Variants in ZNF592 observed in about 807,000 individuals in gnomAD.
The protein encoded by ZNF592 is zinc finger protein 592.
Under a neutral mutation model 80.3 loss-of-function variants are expected in ZNF592, and 11 were observed. The observed-to-expected ratio is 0.14, with a 90% CI of 0.09 to 0.23. The LOEUF is 0.23. ZNF592 is among the 10% of genes least tolerant of loss of function. The pLI, the probability that ZNF592 is intolerant of heterozygous loss-of-function variation, is 1.00. For synonymous variants in ZNF592, 646 were observed against 640.3 expected (o/e 1.01, Z -0.13); for missense variants, 1,420 against 1,633.9 (o/e 0.87, Z 2.26).
chr15:84,765,535 GTTTTTT>G (rs71453265), intron 2 of ZNF592, among the ~76,000 whole-genome samples: 1 of 92,280 alleles, frequency 1.1e-5, no homozygotes, highest in East Asian at 3.4e-4. Flanking sequence ...TGTTATTATT[GTTTTTT>G]TTTTTTTTTT....
chr15:84,799,479 G>A lies in ZNF592; in HGVS notation c.3137+269G>A, dbSNP rs1456311897. 6.6e-6 allele frequency among the ~76,000 whole-genome samples: 1 copy of A among 152,158 alleles called. No homozygotes were observed. The highest frequency in any genetic ancestry group is 2.4e-5 in the African/African-American group (1 of 41,408). On this transcript the variant is annotated intron_variant, in intron 9 of 10. Coordinates refer to ENST00000560079, the MANE Select transcript of ZNF592 (RefSeq NM_014630.3). This position sits in a 1 kb window ranked among gnomAD's most constrained non-coding sequence, Gnocchi z 4.2. ...CGAAGCATCCTGAGGTTTAAGAGGA[G>A]GGGTGGTGATGTGAGCATGCACCCC...
chr15:84,803,530 G>A lies in ZNF592; in HGVS notation c.*1137G>A, dbSNP rs1363309136. 6.6e-6 allele frequency: 1 copy of A among 152,190 alleles called. No homozygotes were observed. The allele number at this position is 152,190 out of a possible 1,614,324, so 9.4% of individuals were successfully genotyped here. A position where few individuals can be genotyped will look rare whatever the true frequency, so the allele number is the denominator to read the frequency against. Reference sequence around the variant, plus strand: ...GGGTGAGGGGAGCGGCTCCACAATGGTCAAGTCACCTCCAAGATCTCCAGG... The same window carrying A: ...GGGTGAGGGGAGCGGCTCCACAATGATCAAGTCACCTCCAAGATCTCCAGG... On this transcript the variant is annotated 3_prime_UTR_variant, in exon 11 of 11. Coordinates refer to ENST00000560079, the MANE Select transcript of ZNF592 (RefSeq NM_014630.3).
intron 1 of ZNF592, among the ~76,000 whole-genome samples, chr15:84,752,697 C>T (rs779717067): frequency 6.6e-6 from 1 of 152,112 alleles, no homozygotes; most frequent in African/African-American, 2.4e-5. Context: ...CCATGATAGA[C>T]GTTGCAGTTA....
intron 2 of ZNF592, among the ~76,000 whole-genome samples, chr15:84,766,706 A>AGTGTGTGT (rs10667788): frequency 0.23 from 32,066 of 139,866 alleles, 3,912 homozygotes; most frequent in South Asian, 0.3. Flanking sequence ...GATGAGAAAG[A>AGTGTGTGT]GTGTGTGTGT....
intron 3 of ZNF592, among the ~76,000 whole-genome samples, chr15:84,782,288 G>A (rs1167094899): frequency 2.6e-5 from 4 of 152,196 alleles, no homozygotes; most frequent in Admixed American, 2.6e-4. Flanking sequence ...GGCTGGAAGT[G>A]CTAAGTGGCT....
chr15:84,798,862 A>G lies in ZNF592; in HGVS notation c.3011A>G (p.Lys1004Arg). 1.3e-6 allele frequency: 2 copies of G among 1,598,538 alleles called. No homozygotes were observed. Among genetic ancestry groups the G allele is most frequent in the East Asian group, 2.2e-5 (1 of 44,858 alleles). Residue 1004 changes from lysine (K) to arginine (R), a missense_variant, in exon 8 of 11, where the codon AAG (lysine) becomes AGG (arginine). This residue lies in a region of ZNF592 where 331 missense variants were observed against 347.0 expected (regional missense o/e 0.95). Coordinates refer to ENST00000560079, the MANE Select transcript of ZNF592 (RefSeq NM_014630.3). This position sits in a 1 kb window ranked among gnomAD's most constrained non-coding sequence, Gnocchi z 4.5. The stretch of plus-strand genomic sequence containing the variant: ...GAGAGCTACGTGTCCCACATGAAAA[A>G]GAGCCACGGTCGGGTAAGTGCAGCC... ...DRESYVSHMK[K>R]SHGRTLKRYP...
intron 5 of ZNF592, among the ~76,000 whole-genome samples, chr15:84,796,375 C>G (rs372799190): frequency 1.3e-5 from 2 of 149,978 alleles, no homozygotes; most frequent in African/African-American, 4.9e-5. Flanking sequence ...GCACCTGCCT[C>G]TCTTTAGTGC....
At chr15:84,793,648 G>C (rs1962812273) in intron 5 of ZNF592, among the ~76,000 whole-genome samples, 1 of 152,138 alleles carries the variant, frequency 6.6e-6, no homozygotes, top group Non-Finnish European at 1.5e-5. Flanking sequence ...AACAATTTTA[G>C]AGCATTTTTA....
At chr15:84,781,390 A>ATT (rs75113679) in intron 3 of ZNF592, among the ~76,000 whole-genome samples, 2 of 129,218 alleles carry the variant, frequency 1.5e-5, no homozygotes, top group African/African-American at 2.9e-5. Flanking sequence ...TCTATCAAGT[A>ATT]TTTTTTTTTT....
intron 5 of ZNF592, among the ~76,000 whole-genome samples, chr15:84,791,573 A>G (rs1367218521): frequency 6.6e-6 from 1 of 151,854 alleles, no homozygotes; most frequent in Non-Finnish European, 1.5e-5. Context: ...GTTTTAGTTC[A>G]TTTGACTTTT....
chr15:84,800,975 G>A (rs756395089), intron 10 of ZNF592, among the ~76,000 whole-genome samples: 2 of 152,206 alleles, frequency 1.3e-5, no homozygotes, highest in Non-Finnish European at 1.5e-5. Context: ...ATGCTCCAAT[G>A]TATGTTGTTA....
intron 2 of ZNF592, among the ~76,000 whole-genome samples, chr15:84,773,578 C>G (rs1962153438): frequency 6.6e-6 from 1 of 152,128 alleles, no homozygotes; most frequent in Admixed American, 6.5e-5. Flanking sequence ...TGTCCCCATC[C>G]AGGGGAGAAG....
At chr15:84,766,003 C>CTTTT (rs527253414) in intron 2 of ZNF592, among the ~76,000 whole-genome samples, 1 of 143,924 alleles carries the variant, frequency 6.9e-6, no homozygotes. Flanking sequence ...ATTCATGGTC[C>CTTTT]TTTTTTTTTT....
intron 1 of ZNF592, among the ~76,000 whole-genome samples, chr15:84,755,406 A>G (rs1348302810): frequency 6.6e-6 from 1 of 152,086 alleles, no homozygotes; most frequent in East Asian, 1.9e-4. Flanking sequence ...AGCTGGGACT[A>G]TAGACATGCA....
intron 4 of ZNF592, among the ~76,000 whole-genome samples, chr15:84,785,387 C>G (rs1288147552): frequency 1.3e-5 from 2 of 152,078 alleles, no homozygotes; most frequent in African/African-American, 4.8e-5. Context: ...TCTCAGTTCA[C>G]TACAACCTCT....
rs199818117 is a variant in ZNF592 at position 84,798,900 on chromosome 15, T to C, written c.3024+25T>C. On this transcript the variant is annotated intron_variant, in intron 8 of 10. Transcript: ENST00000560079. This position sits in a 1 kb window ranked among gnomAD's most constrained non-coding sequence, Gnocchi z 4.5. ...GGTAAGTGCAGCCACACAGTCATAA[T>C]GCAGAGCCCAGTCCTCTGGACTTCC... is the stretch of plus-strand genomic sequence containing the variant. The C allele has an allele frequency of 5.1e-4, 809 of 1,598,340 alleles. 1 individual carries two copies. Among genetic ancestry groups the C allele is most frequent in the Admixed American group, 1.1e-3 (64 of 59,822 alleles).
At chr15:84,765,397 T>C (rs1899478755) in intron 2 of ZNF592, among the ~76,000 whole-genome samples, 1 of 152,180 alleles carries the variant, frequency 6.6e-6, no homozygotes, top group Non-Finnish European at 1.5e-5. Context: ...GTGGAATTGC[T>C]GGATCATATG....
At chr15:84,771,419 G>A (rs185894335) in intron 2 of ZNF592, among the ~76,000 whole-genome samples, 2 of 152,174 alleles carry the variant, frequency 1.3e-5, no homozygotes, top group African/African-American at 2.4e-5. Flanking sequence ...TCTAGTCAGG[G>A]GGATAGCTCA....
At chr15:84,769,580 AAGG>A (rs1899638706) in intron 2 of ZNF592, among the ~76,000 whole-genome samples, 1 of 151,254 alleles carries the variant, frequency 6.6e-6, no homozygotes, top group South Asian at 2.1e-4. Flanking sequence ...TGAGGAACGT[AAGG>A]AGGCCTTTGT....
Sources: allele counts gnomAD v4.1 joint callset (sites outside exome capture counted in the v4.1 genomes callset), GRCh38; gene constraint gnomAD v4.1.1; regional missense constraint gnomAD v4.1.1; non-coding constraint Gnocchi (gnomAD v3.1); transcripts MANE v1.5; gene names NCBI Gene and HGNC (gene_info 2026-07-23, HGNC 2026-07-21).